The following CDH10 variants were observed in gnomAD, a reference collection of about 807,000 sequenced individuals.
CDH10 encodes the protein cadherin 10.
In CDH10, 30 loss-of-function variants were observed where a neutral mutation model predicts 73.1. The observed-to-expected ratio is 0.41, with a 90% CI of 0.31 to 0.56. The LOEUF is 0.56. CDH10 is among the 20% of genes least tolerant of loss of function. CDH10 has a pLI of 0.27. For missense variants in CDH10, 815 were observed against 973.7 expected (o/e 0.84, Z 2.17); for synonymous variants, 345 against 348.2 (o/e 0.99, Z 0.10).
intron 5 of CDH10, among the ~76,000 whole-genome samples, chr5:24,519,000 C>T (rs1194031472): frequency 6.8e-6 from 1 of 146,918 alleles, no homozygotes. Flanking sequence ...AAGTGATTCT[C>T]ATGTGTCAGC....
chr5:24,551,995 C>T (rs1261929320), intron 2 of CDH10, among the ~76,000 whole-genome samples: 1 of 151,940 alleles, frequency 6.6e-6, no homozygotes, highest in East Asian at 1.9e-4. Flanking sequence ...GGATTTTTAA[C>T]ATCAGTATGT....
chr5:24,542,352 T>A (rs549723355), intron 2 of CDH10, among the ~76,000 whole-genome samples: 2 of 152,332 alleles, frequency 1.3e-5, no homozygotes, highest in East Asian at 3.9e-4. Flanking sequence ...AACATTTCAA[T>A]GACAGATTGC....
intron 2 of CDH10, among the ~76,000 whole-genome samples, chr5:24,569,396 TA>T (rs1425959783): frequency 1.3e-5 from 2 of 152,148 alleles, no homozygotes; most frequent in South Asian, 2.1e-4. Context: ...TGGTTGTGTA[TA>T]TTTTTTACAA....
chr5:24,596,784 A>G (rs1220914408), intron 1 of CDH10, among the ~76,000 whole-genome samples: 2 of 152,006 alleles, frequency 1.3e-5, no homozygotes, highest in African/African-American at 2.4e-5. Flanking sequence ...AATAGTAAAA[A>G]GTGGTATATA....
chr5:24,540,510 G>A (rs1273502102), intron 2 of CDH10, among the ~76,000 whole-genome samples: 2 of 151,898 alleles, frequency 1.3e-5, no homozygotes, highest in African/African-American at 2.4e-5. Context: ...TACTGTGGGA[G>A]TTTCTGTTGG....
In CDH10 at chr5:24,487,591, T is replaced by A. The variant is rs1741885227; in HGVS notation, c.*72A>T. 2.1e-6 allele frequency: 3 copies of A among 1,439,476 alleles called. No homozygotes were observed. The highest frequency in any genetic ancestry group is 2.8e-6 in the Non-Finnish European group (3 of 1,065,032). 89.2% of individuals were successfully genotyped at this position (1,439,476 alleles called of 1,614,324 possible). On this transcript the variant is annotated 3_prime_UTR_variant, in exon 12 of 12. Coordinates refer to ENST00000264463, the MANE Select transcript of CDH10 (RefSeq NM_006727.5). ...ACTGGCAGGAAAATGCTCCTGAATA[T>A]CAAATATTGTGAAGTGGAGACAGCA...
At chr5:24,573,182 A>G (rs1381192108) in intron 2 of CDH10, among the ~76,000 whole-genome samples, 2 of 151,938 alleles carry the variant, frequency 1.3e-5, no homozygotes, top group African/African-American at 4.8e-5. Context: ...AGAGCTCGGG[A>G]AAAAATTTGA....
intron 2 of CDH10, among the ~76,000 whole-genome samples, chr5:24,591,222 T>G (rs1003768495): frequency 2.4e-4 from 36 of 151,958 alleles, no homozygotes; most frequent in Admixed American, 1.6e-3. Flanking sequence ...ATTAATACAA[T>G]AGTATAGTAT....
In CDH10 at chr5:24,535,310, C is replaced by T. The variant is rs572814947; in HGVS notation, c.647-31G>A. The stretch of plus-strand genomic sequence containing the variant: ...GAAAATATAAAAAAACTTCCATTAT[C>T]TTCACTGAAATCTCCATTGTTATTT... On this transcript the variant is annotated intron_variant, in intron 4 of 11. Transcript: ENST00000264463. 1.4e-4 allele frequency: 222 copies of T among 1,570,412 alleles called. 1 individual carries two copies. In the South Asian group the frequency reaches 2.5e-3, roughly 18 times the overall value.
rs193010739 is a variant in CDH10 at position 24,586,907 on chromosome 5, C to G, written c.231+6353G>C. Among the ~76,000 whole-genome samples, 893 of 134,422 alleles carry G rather than the reference C, an allele frequency of 6.6e-3. 12 individuals carry two copies. Among genetic ancestry groups the G allele is most frequent in the Middle Eastern group, 9.7e-3 (2 of 206 alleles). 88.2% of individuals were successfully genotyped at this position (134,422 alleles called of 152,430 possible). A position where few individuals can be genotyped will look rare whatever the true frequency, so the allele number is the denominator to read the frequency against. On this transcript the variant is annotated intron_variant, in intron 2 of 11. Coordinates refer to ENST00000264463, the MANE Select transcript of CDH10 (RefSeq NM_006727.5). ...TCGCCCAGGCTGGAGTGCAGTGGCGCGATCTCTGCTCACTGCAAGCTCCGC... is the reference window on the plus strand; with the variant it reads ...TCGCCCAGGCTGGAGTGCAGTGGCGGGATCTCTGCTCACTGCAAGCTCCGC...
At chr5:24,512,462 A>G (rs1742953650) in intron 5 of CDH10, among the ~76,000 whole-genome samples, 1 of 152,206 alleles carries the variant, frequency 6.6e-6, no homozygotes, top group Non-Finnish European at 1.5e-5. Context: ...ACTTATTTCA[A>G]CTGCATGGCA....
intron 2 of CDH10, among the ~76,000 whole-genome samples, chr5:24,573,394 G>C (rs1358532309): frequency 4.6e-5 from 7 of 151,952 alleles, no homozygotes; most frequent in Non-Finnish European, 1.0e-4. Flanking sequence ...AGAATAATGA[G>C]GAAAGAAAGT....
At chr5:24,569,109 CA>C (rs35321027) in intron 2 of CDH10, among the ~76,000 whole-genome samples, 4 of 147,342 alleles carry the variant, frequency 2.7e-5, no homozygotes, top group Admixed American at 6.8e-5. Flanking sequence ...GACTCTGTCT[CA>C]AAAAAAAAAG....
chr5:24,608,505 A>G (rs1284295701), intron 1 of CDH10, among the ~76,000 whole-genome samples: 1 of 151,996 alleles, frequency 6.6e-6, no homozygotes, highest in African/African-American at 2.4e-5. Context: ...GTTGGCCAGG[A>G]TGGTCTCAAT....
At chr5:24,491,851 C>A in intron 10 of CDH10, 24 bp from the exon 11 acceptor site, 1 of 1,526,866 alleles carries the variant, frequency 6.5e-7, no homozygotes, top group Non-Finnish European at 9.0e-7. Context: ...TAAAATATTA[C>A]AAATGGTTTG....
intron 7 of CDH10, among the ~76,000 whole-genome samples, chr5:24,506,530 A>C (rs1309869426): frequency 6.6e-6 from 1 of 152,190 alleles, no homozygotes; most frequent in Non-Finnish European, 1.5e-5. Context: ...CTTTCCATTT[A>C]CCACATTGTG....
At chr5:24,520,723 CTTT>C (rs1265591020) in intron 5 of CDH10, among the ~76,000 whole-genome samples, 2 of 150,342 alleles carry the variant, frequency 1.3e-5, no homozygotes, top group East Asian at 1.9e-4. Context: ...ACACAAATCA[CTTT>C]TTTTTTGTTG....
chr5:24,525,120 A>G (rs1050813255), intron 5 of CDH10, among the ~76,000 whole-genome samples: 16 of 152,224 alleles, frequency 1.1e-4, no homozygotes, highest in Middle Eastern at 3.4e-3. Flanking sequence ...TAAGAACAAC[A>G]AAATGATGCC....
At chr5:24,525,455 G>A (rs1289024223) in intron 5 of CDH10, among the ~76,000 whole-genome samples, 1 of 151,992 alleles carries the variant, frequency 6.6e-6, no homozygotes, top group Non-Finnish European at 1.5e-5. Context: ...CTTGCTTTAA[G>A]AAAAATGTCA....
Sources: allele counts gnomAD v4.1 joint callset (sites outside exome capture counted in the v4.1 genomes callset), GRCh38; gene constraint gnomAD v4.1.1; transcripts MANE v1.5; gene names NCBI Gene and HGNC (gene_info 2026-07-23, HGNC 2026-07-21).